Variants in TUSC3 observed in about 807,000 individuals in gnomAD.
The protein encoded by TUSC3 is tumor suppressor candidate 3.
TUSC3 carries 45 observed loss-of-function variants against 44.8 expected under a neutral mutation model. The observed-to-expected ratio is 1.00, with a 90% CI of 0.79 to 1.29. TUSC3 has a LOEUF of 1.29. Ranked by LOEUF, TUSC3 falls within the 50% of genes most tolerant of loss-of-function variation. The pLI is 0.00. For missense variants in TUSC3, 519 were observed against 437.9 expected, an observed-to-expected ratio of 1.19 and a Z score of -1.65; for synonymous variants, 212 against 152.9, an observed-to-expected ratio of 1.39 and a Z score of -2.85.
chr8:15,617,111 A>G lies in TUSC3; in HGVS notation c.139-5969A>G, dbSNP rs565146465. ...CAAGTCTATATTTGTTTCTGTATCTATCTGTAAAATGTGTGTGTGTGTATA... is the reference window on the plus strand; with the variant it reads ...CAAGTCTATATTTGTTTCTGTATCTGTCTGTAAAATGTGTGTGTGTGTATA... On this transcript the variant is annotated intron_variant, in intron 1 of 10. Transcript: ENST00000503731. 1.8e-4 allele frequency among the ~76,000 whole-genome samples: 12 copies of G among 66,220 alleles called. No homozygotes were observed. In the South Asian group the frequency reaches 3.8e-3, roughly 21 times the overall value. The allele number at this position is 66,220 out of a possible 152,430, so 43.4% of individuals were successfully genotyped here. A position where few individuals can be genotyped will look rare whatever the true frequency, so the allele number is the denominator to read the frequency against.
chr8:15,423,336 G>C (rs1799761578), intron 1 of TUSC3, among the ~76,000 whole-genome samples: 1 of 152,076 alleles, frequency 6.6e-6, no homozygotes, highest in African/African-American at 2.4e-5. Context: ...TCAATTTAAA[G>C]TGAGTTGGAC....
At chr8:15,816,747 C>A in the TUSC3 span, among the ~76,000 whole-genome samples, 1 of 152,156 alleles carries the variant, frequency 6.6e-6, no homozygotes, top group Non-Finnish European at 1.5e-5. Context: ...ACAGCCCTCA[C>A]AGAGAAACGG....
intron 6 of TUSC3, among the ~76,000 whole-genome samples, chr8:15,717,737 T>C (rs4240181): frequency 0.89 from 135,679 of 152,060 alleles, 60,703 homozygotes; most frequent in East Asian, 0.98. Flanking sequence ...TTCTTCATTT[T>C]GTACCATGTA....
chr8:15,583,849 C>T (rs551574888), intron 1 of TUSC3, among the ~76,000 whole-genome samples: 1 of 151,958 alleles, frequency 6.6e-6, no homozygotes, highest in African/African-American at 2.4e-5. Context: ...AACCACAAAC[C>T]CTTATTTTAT....
chr8:15,790,591 G>C, the TUSC3 span, among the ~76,000 whole-genome samples: 1 of 152,074 alleles, frequency 6.6e-6, no homozygotes, highest in African/African-American at 2.4e-5. Context: ...TTTCTGGCCA[G>C]TTTCTTCACT....
chr8:15,660,839 T>C (rs1209425352), intron 4 of TUSC3, among the ~76,000 whole-genome samples: 3 of 151,358 alleles, frequency 2.0e-5, no homozygotes, highest in Non-Finnish European at 4.4e-5. Context: ...TACTAAATTT[T>C]AATCAGAACT....
At chr8:15,473,330 C>A (rs1800521701) in intron 1 of TUSC3, among the ~76,000 whole-genome samples, 1 of 152,132 alleles carries the variant, frequency 6.6e-6, no homozygotes, top group African/African-American at 2.4e-5. Context: ...AATTTCAATT[C>A]TTCTGAAAGG....
chr8:15,428,405 T>C (rs1799832190), intron 1 of TUSC3, among the ~76,000 whole-genome samples: 3 of 151,968 alleles, frequency 2.0e-5, no homozygotes, highest in Admixed American at 1.3e-4. Context: ...GTCTTTGCTA[T>C]TGTGAATAGT....
intron 2 of TUSC3, among the ~76,000 whole-genome samples, chr8:15,645,444 T>A (rs1806581362): frequency 6.6e-6 from 1 of 152,092 alleles, no homozygotes; most frequent in African/African-American, 2.4e-5. Context: ...TTTACATTCA[T>A]ACTTTGTCGA....
the TUSC3 span, among the ~76,000 whole-genome samples, chr8:15,831,051 G>A: frequency 1.3e-5 from 2 of 152,176 alleles, no homozygotes; most frequent in Admixed American, 6.5e-5. Flanking sequence ...CCATCAGTGT[G>A]GAAACCAGCA....
At position 15,431,354 on chromosome 8, in the gene TUSC3, A is replaced by G. The variant is rs73189471; in HGVS notation, n.91+14049A>G. On this transcript the variant is annotated intron_variant and non_coding_transcript_variant, in intron 1 of 5. Coordinates refer to the TUSC3 transcript ENST00000503191. ...ATCTATCTATTTGTGTCTTCAATTTATTTGATCATTGTTCTTTAGTTTTCA... is the reference window on the plus strand; with the variant it reads ...ATCTATCTATTTGTGTCTTCAATTTGTTTGATCATTGTTCTTTAGTTTTCA... 1.3e-4 allele frequency among the ~76,000 whole-genome samples: 19 copies of G among 151,522 alleles called. No individual in the cohort carries two copies. The East Asian group carries it at 3.7e-3, about 29-fold the overall frequency.
chr8:15,771,031 A>C (rs376095844), downstream of TUSC3, among the ~76,000 whole-genome samples: 1 of 152,202 alleles, frequency 6.6e-6, no homozygotes, highest in African/African-American at 2.4e-5. Flanking sequence ...ACGTGATTCA[A>C]CATGTAGAAG....
chr8:15,571,206 G>A (rs544491732), intron 1 of TUSC3, among the ~76,000 whole-genome samples: 14 of 151,694 alleles, frequency 9.2e-5, no homozygotes, highest in African/African-American at 2.7e-4. Context: ...CACCTGCCTC[G>A]GCCTCCCAAA....
chr8:15,447,172 G>C (rs1031520998), intron 1 of TUSC3, among the ~76,000 whole-genome samples: 1 of 151,910 alleles, frequency 6.6e-6, no homozygotes, highest in African/African-American at 2.4e-5. Flanking sequence ...AAAATATCAA[G>C]AATAGTTATT....
chr8:15,565,273 CTG>C (rs991787925), intron 1 of TUSC3, among the ~76,000 whole-genome samples: 24 of 151,282 alleles, frequency 1.6e-4, no homozygotes, highest in Non-Finnish European at 2.5e-4. Context: ...ATCTGAAAAA[CTG>C]ACTCTGATTT....
At chr8:15,613,196 T>G (rs1313410556) in intron 1 of TUSC3, among the ~76,000 whole-genome samples, 2 of 151,006 alleles carry the variant, frequency 1.3e-5, no homozygotes, top group Non-Finnish European at 2.9e-5. Context: ...GTGCCAAATT[T>G]GGGGACAATG....
the TUSC3 span, among the ~76,000 whole-genome samples, chr8:15,776,213 A>C: frequency 6.6e-6 from 1 of 152,276 alleles, no homozygotes; most frequent in Non-Finnish European, 1.5e-5. Context: ...AGCTAAAATT[A>C]AAAATACGTG....
chr8:15,549,220 G>A (rs1377226532), intron 1 of TUSC3, among the ~76,000 whole-genome samples: 1 of 151,640 alleles, frequency 6.6e-6, no homozygotes, highest in Non-Finnish European at 1.5e-5. Context: ...TGTCGCCCAG[G>A]CTGGAGTGCA....
the TUSC3 span, among the ~76,000 whole-genome samples, chr8:15,845,326 C>T: frequency 6.6e-6 from 1 of 152,118 alleles, no homozygotes; most frequent in Non-Finnish European, 1.5e-5. Context: ...GTGAGGGTTT[C>T]ATGAGCTCTG....
Sources: gnomAD v4.1 joint callset for allele counts (sites outside exome capture counted in the v4.1 genomes callset) on GRCh38, gnomAD v4.1.1 for gene constraint, MANE v1.5 for transcripts, NCBI Gene and HGNC (gene_info 2026-07-23, HGNC 2026-07-21) for gene names.